The following ZNF207 variants were observed in gnomAD, a reference collection of about 807,000 sequenced individuals.
ZNF207 encodes zinc finger protein 207.
A neutral mutation model predicts 60.2 loss-of-function variants in ZNF207; 24 were observed. The ratio of observed to expected loss-of-function variants is 0.40; its 90% CI spans 0.29 to 0.56. The LOEUF (loss-of-function observed/expected upper bound fraction) is 0.56, where lower values mean the gene tolerates loss of function less well. ZNF207 is among the 20% of genes least tolerant of loss of function. The pLI, the probability that ZNF207 is intolerant of heterozygous loss-of-function variation, is 0.49. For synonymous variants in ZNF207, 236 were observed against 194.7 expected, an observed-to-expected ratio of 1.21 and a Z score of -1.77; for missense variants, 452 against 636.6, an observed-to-expected ratio of 0.71 and a Z score of 3.12.
rs1403752929 is a variant in ZNF207 at position 32,360,637 on chromosome 17, A to G, written c.347A>G (p.Tyr116Cys). 1 of 1,613,430 alleles carries G rather than the reference A, an allele frequency of 6.2e-7. No individual in the cohort carries two copies. The highest frequency in any genetic ancestry group is 8.5e-7 in the Non-Finnish European group (1 of 1,179,840). The change falls in exon 4 of 12, where the codon TAT becomes TGT. Residue 116 changes from tyrosine to cysteine, a missense_variant. Tyr to Cys is a radical substitution (Grantham distance 194, BLOSUM62 -2). This residue lies in a region of ZNF207 where 62 missense variants were observed against 175.3 expected (regional missense o/e 0.35). Transcript: ENST00000394670. ...KKKQQDDSDEYDDDDSAASTS... is the reference protein window; with the variant it reads ...KKKQQDDSDECDDDDSAASTS... Reference sequence around the variant, plus strand: ...AAGCAACAAGATGATTCTGATGAATATGATGATGACGACTCTGCAGCCTCA... The same window carrying G: ...AAGCAACAAGATGATTCTGATGAATGTGATGATGACGACTCTGCAGCCTCA...
chr17:32,360,186 C>CCA (rs1555606145), intron 3 of ZNF207, among the ~76,000 whole-genome samples: 9,043 of 52,610 alleles, frequency 0.17, 1,232 homozygotes, highest in Non-Finnish European at 0.25. Flanking sequence ...ACCCCCCCCC[C>CCA]AAAAAAAAAA....
At chr17:32,368,288 A>G in intron 10 of ZNF207, 1 of 430,490 alleles carries the variant, frequency 2.3e-6, no homozygotes, top group South Asian at 3.4e-5. Context: ...CTTAAAAATC[A>G]TTTTAGTTAA....
intron 2 of ZNF207, among the ~76,000 whole-genome samples, chr17:32,357,317 T>A (rs1040891636): frequency 1.4e-5 from 1 of 69,794 alleles, no homozygotes; most frequent in Non-Finnish European, 2.6e-5. Context: ...TTCTAATTAT[T>A]ATTATTATTA....
intron 7 of ZNF207, among the ~76,000 whole-genome samples, chr17:32,364,337 C>G (rs557621906): frequency 5.3e-5 from 8 of 150,494 alleles, no homozygotes; most frequent in African/African-American, 2.0e-4. Context: ...ATGTGCCACA[C>G]GAGGCTATTA....
At chr17:32,356,313 T>G (rs983848684) in intron 2 of ZNF207, among the ~76,000 whole-genome samples, 2 of 152,298 alleles carry the variant, frequency 1.3e-5, no homozygotes, top group Non-Finnish European at 2.9e-5. Flanking sequence ...AGTGTGTATG[T>G]GAATGTAATT....
intron 4 of ZNF207, 32 bp from the exon 5 acceptor site, chr17:32,360,856 ATTTG>A: frequency 1.2e-6 from 2 of 1,613,072 alleles, no homozygotes; most frequent in African/African-American, 2.7e-5. Flanking sequence ...ACTCTTTAAT[ATTTG>A]TTATTATTTT....
intron 10 of ZNF207, 58 bp downstream of exon 10, chr17:32,368,072 C>T (rs777094267): frequency 1.1e-5 from 17 of 1,595,448 alleles, no homozygotes; most frequent in South Asian, 4.5e-5. Flanking sequence ...TATAGCAGTT[C>T]GTCCCTTTAA....
chr17:32,367,253 ATATATATATATATATATATATATATATAT>A lies in ZNF207; in HGVS notation c.921+497_922-490del, dbSNP rs1567824781. ...TTTGGAGGGGATTATATATATATAT[ATATATATATATATATATATATATATATAT>A]ATAAAGAATACTACTAAAGGATGTA... On this transcript the variant is annotated intron_variant, in intron 9 of 11. Transcript: ENST00000394670. Among the ~76,000 whole-genome samples the A allele has an allele frequency of 1.2e-3, 108 of 91,452 alleles. 3 individuals carry two copies. Among genetic ancestry groups the A allele is most frequent in the African/African-American group, 4.8e-3 (106 of 21,866 alleles). 60.0% of individuals were successfully genotyped at this position (91,452 alleles called of 152,430 possible). A position where few individuals can be genotyped will look rare whatever the true frequency, so the allele number is the denominator to read the frequency against.
intron 1 of ZNF207, chr17:32,351,082 G>A (rs965989514): frequency 6.5e-6 from 1 of 154,166 alleles, no homozygotes; most frequent in African/African-American, 2.4e-5. Context: ...GTACGTAAAG[G>A]CGGCTTGTTA....
At position 32,351,780 on chromosome 17, in the gene ZNF207, G is replaced by T; in HGVS notation, c.42-6G>T. 6.2e-7 allele frequency: 1 copy of T among 1,609,074 alleles called. No homozygotes were observed. The highest frequency in any genetic ancestry group is 8.5e-7 in the Non-Finnish European group (1 of 1,177,110). On this transcript the variant is annotated splice_polypyrimidine_tract_variant and splice_region_variant and intron_variant, in intron 1 of 11. Coordinates refer to ENST00000394670, the MANE Select transcript of ZNF207 (RefSeq NM_001098507.2). ...GCTGTCTTTGTGCCTTAACAGTATT[G>T]ATCAGGTATTGTAATAGAGATTTTG...
Position 32,373,110 on chromosome 17 carries a change from A to T in ZNF207, c.*3351A>T. ...ACTTAGTATTTTAGTAGTGTCTCAC[A>T]CATTTGCCATTAGGTATGAATAAAA... is the stretch of plus-strand genomic sequence containing the variant. On this transcript the variant is annotated 3_prime_UTR_variant, in exon 12 of 12. Transcript: ENST00000394670. The T allele has an allele frequency of 3.5e-6, 1 of 283,012 alleles. No homozygotes were observed. The allele number at this position is 283,012 out of a possible 1,614,324, so 17.5% of individuals were successfully genotyped here. A position where few individuals can be genotyped will look rare whatever the true frequency, so the allele number is the denominator to read the frequency against.
intron 1 of ZNF207, 26 bp from the exon 2 acceptor site, chr17:32,351,760 C>G: frequency 2.5e-6 from 4 of 1,608,252 alleles, no homozygotes; most frequent in Non-Finnish European, 3.4e-6. Context: ...ATTAGGCTGT[C>G]TTTGTGCCTT....
chr17:32,366,844 A>G, intron 9 of ZNF207, 87 bp downstream of exon 9: 1 of 1,206,834 alleles, frequency 8.3e-7, no homozygotes, highest in South Asian at 1.7e-5. Flanking sequence ...ATATTTTTCC[A>G]AAAATATACT....
At chr17:32,350,384 G>T (rs1240042841) in intron 1 of ZNF207, 58 bp downstream of exon 1, 1 of 1,607,538 alleles carries the variant, frequency 6.2e-7, no homozygotes, top group East Asian at 2.2e-5. Flanking sequence ...TTGGGGCCTG[G>T]GACTAGGAGG....
intron 2 of ZNF207, among the ~76,000 whole-genome samples, chr17:32,353,552 C>G (rs887186490): frequency 1.3e-4 from 19 of 151,972 alleles, no homozygotes; most frequent in African/African-American, 4.6e-4. Context: ...GAGGCCGAGG[C>G]TGGTGGATCA....
In ZNF207 at chr17:32,360,727, G is replaced by T. The variant is rs1904829002; in HGVS notation, c.437G>T (p.Gly146Val). 6.2e-7 allele frequency: 1 copy of T among 1,613,960 alleles called. No homozygotes were observed. The highest frequency in any genetic ancestry group is 1.3e-5 in the African/African-American group (1 of 74,910). Residue 146 changes from glycine (G) to valine (V), a missense_variant, in exon 4 of 12, where the codon GGA becomes GTA. Physicochemically the swap from Gly to Val is moderately radical, Grantham distance 109. This residue lies in a region of ZNF207 where 390 missense variants were observed against 461.4 expected (regional missense o/e 0.85). Coordinates refer to ENST00000394670, the MANE Select transcript of ZNF207 (RefSeq NM_001098507.2). ...TATATTCCTCCAATGGCACAGCCAG[G>T]ACTGCCACCAGTACCAGGAGCACCA... ...QGYIPPMAQP[G>V]LPPVPGAPGM...
intron 6 of ZNF207, among the ~76,000 whole-genome samples, chr17:32,362,130 AAGTGT>A (rs1567820083): frequency 8.7e-6 from 1 of 115,448 alleles, no homozygotes; most frequent in East Asian, 2.0e-4. Flanking sequence ...TAAAAAAAAA[AAGTGT>A]GTGTGTGTGT....
chr17:32,359,799 G>C (rs1904751841), intron 3 of ZNF207, among the ~76,000 whole-genome samples: 1 of 152,068 alleles, frequency 6.6e-6, no homozygotes, highest in Non-Finnish European at 1.5e-5. Flanking sequence ...AGTCTAAGCT[G>C]AGGTGGGAGG....
chr17:32,364,984 A>G (rs1476727968), intron 7 of ZNF207, among the ~76,000 whole-genome samples: 2 of 152,216 alleles, frequency 1.3e-5, no homozygotes, highest in African/African-American at 4.8e-5. Context: ...TGTAATTTGC[A>G]CTAGGGTTCA....
Sources: allele counts gnomAD v4.1 joint callset (sites outside exome capture counted in the v4.1 genomes callset), GRCh38; gene constraint gnomAD v4.1.1; regional missense constraint gnomAD v4.1.1; transcripts MANE v1.5; gene names NCBI Gene and HGNC (gene_info 2026-07-23, HGNC 2026-07-21).